Variants in TMEM131 observed in about 807,000 individuals in gnomAD.
TMEM131 encodes 2610524E03Rik.
In TMEM131, 66 loss-of-function variants were observed where a neutral mutation model predicts 211.6. The ratio of observed to expected loss-of-function variants is 0.31; its 90% CI spans 0.26 to 0.38. The LOEUF is 0.38. TMEM131 is among the 10% of genes least tolerant of loss of function. The probability of loss-of-function intolerance (pLI) is 1.00; values close to 1 mark genes in which losing one functional copy is unlikely to be tolerated. For missense variants in TMEM131, 2,036 were observed against 2,299.3 expected (o/e 0.89, Z 2.34); for synonymous variants, 844 against 841.3 (o/e 1.00, Z -0.06).
intron 11 of TMEM131, among the ~76,000 whole-genome samples, chr2:97,826,653 A>T (rs1470899492): frequency 6.6e-6 from 1 of 152,148 alleles, no homozygotes; most frequent in Admixed American, 6.5e-5. Flanking sequence ...AGAGACAAAG[A>T]GGAAGTCAGA....
intron 4 of TMEM131, among the ~76,000 whole-genome samples, chr2:97,872,808 C>A (rs949915582): frequency 6.6e-6 from 1 of 152,152 alleles, no homozygotes; most frequent in Non-Finnish European, 1.5e-5. Flanking sequence ...CAAAACTGGG[C>A]GGCCGTTTGG....
rs564032861 is a variant in TMEM131 at position 97,930,603 on chromosome 2, C to T, written c.188-3116G>A. ...TCAACTCTGGCATAAAACAAATTAA[C>T]GTATTTTGCTTTAAACAGCCAATTA... On this transcript the variant is annotated intron_variant, in intron 1 of 40. Coordinates refer to ENST00000186436, the MANE Select transcript of TMEM131 (RefSeq NM_015348.2). 1.9e-3 allele frequency among the ~76,000 whole-genome samples: 254 copies of T among 130,902 alleles called. 13 individuals are homozygous for T. The highest frequency in any genetic ancestry group is 6.5e-3 in the African/African-American group (241 of 37,336). The allele number at this position is 130,902 out of a possible 152,430, so 85.9% of individuals were successfully genotyped here.
chr2:97,891,764 T>C (rs774244933), intron 3 of TMEM131, among the ~76,000 whole-genome samples: 8 of 152,108 alleles, frequency 5.3e-5, no homozygotes, highest in Non-Finnish European at 1.0e-4. Context: ...AAAACAATTG[T>C]TTGTGATGTA....
intron 24 of TMEM131, 60 bp from the exon 25 acceptor site, chr2:97,802,021 G>C (rs529444825): frequency 8.4e-7 from 1 of 1,196,010 alleles, no homozygotes; most frequent in African/African-American, 1.5e-5. Context: ...AGGGAGTTAT[G>C]GAGTGATTAT....
intron 3 of TMEM131, among the ~76,000 whole-genome samples, chr2:97,888,398 A>C (rs1025845651): frequency 4.7e-4 from 72 of 152,346 alleles, no homozygotes; most frequent in African/African-American, 1.4e-3. Flanking sequence ...TGGTTGGTAT[A>C]ATTGGTAACG....
At chr2:97,816,088 C>G (rs557734563) in intron 12 of TMEM131, among the ~76,000 whole-genome samples, 1 of 152,162 alleles carries the variant, frequency 6.6e-6, no homozygotes, top group South Asian at 2.1e-4. Context: ...CATCGGTAAT[C>G]CCAGCACTTT....
chr2:97,889,378 CCTGT>C (rs972868826), intron 3 of TMEM131, among the ~76,000 whole-genome samples: 4 of 152,072 alleles, frequency 2.6e-5, no homozygotes, highest in African/African-American at 7.2e-5. Flanking sequence ...TGCTTTCTGC[CCTGT>C]CTGTTTCTTA....
intron 31 of TMEM131, among the ~76,000 whole-genome samples, chr2:97,780,286 A>G (rs1679935726): frequency 6.6e-6 from 1 of 152,148 alleles, no homozygotes; most frequent in African/African-American, 2.4e-5. Context: ...CAATTTTACC[A>G]TCAATCAATC....
At chr2:97,826,686 AAAG>A (rs1488352990) in intron 11 of TMEM131, among the ~76,000 whole-genome samples, 2 of 152,162 alleles carry the variant, frequency 1.3e-5, no homozygotes, top group Non-Finnish European at 2.9e-5. Context: ...GAGAGACAAA[AAAG>A]AAGTCAAAGA....
chr2:97,818,761 G>C (rs1394091515), intron 11 of TMEM131, 40 bp from the exon 12 acceptor site: 1 of 1,337,340 alleles, frequency 7.5e-7, no homozygotes. Context: ...CATTATTTCA[G>C]ACTAATGGTT....
At chr2:97,798,825 A>G (rs941940820) in intron 25 of TMEM131, among the ~76,000 whole-genome samples, 2 of 152,224 alleles carry the variant, frequency 1.3e-5, no homozygotes, top group Non-Finnish European at 2.9e-5. Flanking sequence ...AGAATATTCC[A>G]ACTGCTTCAA....
chr2:97,987,574 T>C (rs1310552630), intron 1 of TMEM131, among the ~76,000 whole-genome samples: 2 of 152,198 alleles, frequency 1.3e-5, no homozygotes, highest in African/African-American at 4.8e-5. Flanking sequence ...ATGTCTTTCA[T>C]TTTATAGGCA....
At chr2:97,835,564 C>A (rs1682900406) in intron 8 of TMEM131, among the ~76,000 whole-genome samples, 1 of 152,194 alleles carries the variant, frequency 6.6e-6, no homozygotes, top group Non-Finnish European at 1.5e-5. Context: ...GGTTTCAGAA[C>A]AATATGGCTC....
chr2:97,894,644 A>G (rs1443826482), intron 3 of TMEM131, among the ~76,000 whole-genome samples: 1 of 152,082 alleles, frequency 6.6e-6, no homozygotes, highest in African/African-American at 2.4e-5. Context: ...CTTTGTAGCA[A>G]TTGTGAATGG....
chr2:97,824,413 C>T (rs933262176), intron 11 of TMEM131, among the ~76,000 whole-genome samples: 9 of 152,204 alleles, frequency 5.9e-5, no homozygotes, highest in Non-Finnish European at 1.2e-4. Flanking sequence ...TCCTGGACGA[C>T]GGTCCTCAAG....
intron 1 of TMEM131, among the ~76,000 whole-genome samples, chr2:97,933,118 T>A (rs1283841628): frequency 6.6e-6 from 1 of 152,316 alleles, no homozygotes; most frequent in South Asian, 2.1e-4. Context: ...TAGGTTTGTG[T>A]AGGTACACTC....
intron 7 of TMEM131, among the ~76,000 whole-genome samples, chr2:97,840,370 T>C (rs1219635474): frequency 2.0e-5 from 3 of 152,186 alleles, no homozygotes; most frequent in Non-Finnish European, 2.9e-5. Flanking sequence ...GGCAGCACCC[T>C]TGGGGCACCC....
At chr2:97,867,130 T>C (rs1559411232) in intron 4 of TMEM131, among the ~76,000 whole-genome samples, 1 of 152,248 alleles carries the variant, frequency 6.6e-6, no homozygotes, top group Non-Finnish European at 1.5e-5. Context: ...TGGAGAACAT[T>C]CTACATATGC....
chr2:97,760,489 A>G lies in TMEM131; in HGVS notation c.5108+104T>C, dbSNP rs1015618421. 7 of 1,089,116 alleles carry G rather than the reference A, an allele frequency of 6.4e-6. No homozygotes were observed. In the African/African-American group the frequency reaches 9.8e-5, roughly 15 times the overall value. The allele number at this position is 1,089,116 out of a possible 1,614,324, so 67.5% of individuals were successfully genotyped here. ...CCACTTCTGACAAATGCCTCCTTGT[A>G]AATTAGGGGAAAAATGCCCTGAAAC... is the stretch of plus-strand genomic sequence containing the variant. On this transcript the variant is annotated intron_variant, in intron 38 of 40. Transcript: ENST00000186436.
Sources: gnomAD v4.1 joint callset for allele counts (sites outside exome capture counted in the v4.1 genomes callset) on GRCh38, gnomAD v4.1.1 for gene constraint, MANE v1.5 for transcripts, NCBI Gene and HGNC (gene_info 2026-07-23, HGNC 2026-07-21) for gene names.